COL24A1: variants seen among roughly 807,000 people sequenced by gnomAD.
The protein encoded by COL24A1 is collagen type XXIV alpha 1 chain.
In COL24A1, 224 loss-of-function variants were observed where a neutral mutation model predicts 253.9. The ratio of observed to expected loss-of-function variants is 0.88; its 90% CI spans 0.79 to 0.99. The LOEUF (loss-of-function observed/expected upper bound fraction) is 0.99. Among genes scored for constraint, COL24A1 ranks in the 50% least tolerant of loss-of-function variants. The pLI is 0.00. For synonymous variants in COL24A1, 685 were observed against 673.7 expected, an observed-to-expected ratio of 1.02 and a Z score of -0.26; for missense variants, 2,131 against 2,068.5, an observed-to-expected ratio of 1.03 and a Z score of -0.59.
chr1:86,124,003 A>G (rs539721318), intron 3 of COL24A1, among the ~76,000 whole-genome samples: 1 of 152,160 alleles, frequency 6.6e-6, no homozygotes, highest in South Asian at 2.1e-4. Context: ...AATAATTTCT[A>G]AAGACATAAA....
intron 53 of COL24A1, 127 bp from the exon 54 acceptor site, chr1:85,761,693 T>C: frequency 1.2e-6 from 1 of 859,262 alleles, no homozygotes; most frequent in South Asian, 1.5e-5. Flanking sequence ...TTAAAATTGT[T>C]TTAGTATTCT....
At chr1:85,930,179 A>C (rs2103085941) in intron 24 of COL24A1, among the ~76,000 whole-genome samples, 1 of 53,782 alleles carries the variant, frequency 1.9e-5, no homozygotes, top group South Asian at 8.9e-4. Flanking sequence ...AAATTGATAG[A>C]CTGCTAGCAA....
At chr1:86,029,933 T>C (rs933189664) in intron 14 of COL24A1, 1 of 151,964 alleles carries the variant, frequency 6.6e-6, no homozygotes, top group Non-Finnish European at 1.5e-5. Context: ...GAAGGCTGAG[T>C]GTACCAGCAC....
At chr1:86,149,623 C>T (rs1212474371) in intron 1 of COL24A1, among the ~76,000 whole-genome samples, 1 of 152,178 alleles carries the variant, frequency 6.6e-6, no homozygotes, top group Non-Finnish European at 1.5e-5. Context: ...AGGCACTTTT[C>T]CCTTAAAAAT....
intron 19 of COL24A1, among the ~76,000 whole-genome samples, chr1:86,016,568 T>A (rs1343426152): frequency 6.6e-6 from 1 of 152,202 alleles, no homozygotes; most frequent in Non-Finnish European, 1.5e-5. Context: ...AAGTTTCATC[T>A]CCATGTAGTA....
chr1:85,820,245 C>T (rs1174672953), intron 45 of COL24A1, among the ~76,000 whole-genome samples: 1 of 152,118 alleles, frequency 6.6e-6, no homozygotes, highest in African/African-American at 2.4e-5. Context: ...GACTAAAGTC[C>T]TCATTGAGAA....
At chr1:85,903,577 A>G (rs955653325) in intron 28 of COL24A1, among the ~76,000 whole-genome samples, 5 of 152,200 alleles carry the variant, frequency 3.3e-5, no homozygotes, top group Non-Finnish European at 7.4e-5. Context: ...CTGGCTAAAG[A>G]GAAAATCTAA....
intron 25 of COL24A1, among the ~76,000 whole-genome samples, chr1:85,910,845 A>T (rs1685293597): frequency 6.6e-6 from 1 of 151,870 alleles, no homozygotes; most frequent in Admixed American, 6.6e-5. Flanking sequence ...TTCTAAGTCC[A>T]AGAAGTGAAG....
At chr1:86,077,021 A>C (rs1322190927) in intron 7 of COL24A1, among the ~76,000 whole-genome samples, 1 of 152,246 alleles carries the variant, frequency 6.6e-6, no homozygotes, top group Admixed American at 6.5e-5. Context: ...AGAGCTCTGC[A>C]CAGCAAAAGA....
chr1:86,125,005 T>G lies in COL24A1; in HGVS notation c.1331A>C (p.His444Pro), dbSNP rs1425102828. 1.2e-6 allele frequency: 2 copies of G among 1,613,194 alleles called. No individual in the cohort carries two copies. Among genetic ancestry groups the G allele is most frequent in the Non-Finnish European group, 1.7e-6 (2 of 1,179,656 alleles). Residue 444 changes from histidine (H) to proline (P), a missense_variant, in exon 3 of 60, where the codon CAC becomes CCC. Coordinates refer to ENST00000370571, the MANE Select transcript of COL24A1 (RefSeq NM_152890.7). Reference protein sequence around the residue: ...RVTNEPSVDNHLDLRKEGEFY... With the variant: ...RVTNEPSVDNPLDLRKEGEFY... ...TTCACCTTCTTTCCTTAGATCAAGGTGATTATCCACAGATGGCTCATTTGT... is the reference window on the plus strand; with the variant it reads ...TTCACCTTCTTTCCTTAGATCAAGGGGATTATCCACAGATGGCTCATTTGT...
intron 47 of COL24A1, among the ~76,000 whole-genome samples, chr1:85,789,288 T>C (rs931162473): frequency 1.9e-4 from 29 of 152,194 alleles, no homozygotes; most frequent in African/African-American, 6.5e-4. Context: ...CCTTGTTAGC[T>C]ATATTCCTAG....
chr1:85,922,465 A>G (rs1422522302), intron 24 of COL24A1, among the ~76,000 whole-genome samples: 3 of 152,176 alleles, frequency 2.0e-5, no homozygotes, highest in Non-Finnish European at 4.4e-5. Flanking sequence ...CTAATAGCGG[A>G]TCTCTTGGCA....
intron 33 of COL24A1, among the ~76,000 whole-genome samples, chr1:85,876,341 G>A (rs941160905): frequency 6.6e-6 from 1 of 152,080 alleles, no homozygotes; most frequent in African/African-American, 2.4e-5. Context: ...CTTAGTTTTG[G>A]GTTATTGGGT....
At chr1:86,027,746 C>A (rs1698177941) in intron 14 of COL24A1, among the ~76,000 whole-genome samples, 1 of 152,144 alleles carries the variant, frequency 6.6e-6, no homozygotes, top group Non-Finnish European at 1.5e-5. Flanking sequence ...TTTAGTGGAG[C>A]TGTGAGAAGA....
intron 18 of COL24A1, among the ~76,000 whole-genome samples, chr1:86,021,561 A>G (rs1697541623): frequency 6.6e-6 from 1 of 152,058 alleles, no homozygotes. Context: ...ACTTTGTAGG[A>G]TTGTTGTGAA....
At chr1:86,006,432 G>A (rs772557314) in intron 19 of COL24A1, among the ~76,000 whole-genome samples, 3 of 152,094 alleles carry the variant, frequency 2.0e-5, no homozygotes, top group Admixed American at 6.6e-5. Context: ...TTCAACAAAC[G>A]GTGCTGAAAT....
chr1:85,867,557 C>G (rs74097604), intron 37 of COL24A1, among the ~76,000 whole-genome samples: 3,123 of 152,270 alleles, frequency 0.021, 97 homozygotes, highest in African/African-American at 0.07. Flanking sequence ...AGGACAATAC[C>G]TCCAAAGGCA....
chr1:85,779,857 A>T (rs982217342), intron 52 of COL24A1, among the ~76,000 whole-genome samples: 2 of 152,144 alleles, frequency 1.3e-5, no homozygotes, highest in Admixed American at 1.3e-4. Context: ...TTCATAATGA[A>T]CTTTTCTTCT....
chr1:86,083,387 CTG>C (rs1330505098), intron 7 of COL24A1, among the ~76,000 whole-genome samples: 1 of 151,380 alleles, frequency 6.6e-6, no homozygotes, highest in African/African-American at 2.4e-5. Context: ...TATATCAACT[CTG>C]TATCATATAT....
Sources: gnomAD v4.1 joint callset for allele counts (sites outside exome capture counted in the v4.1 genomes callset) on GRCh38, gnomAD v4.1.1 for gene constraint, MANE v1.5 for transcripts, NCBI Gene and HGNC (gene_info 2026-07-23, HGNC 2026-07-21) for gene names.